Variants in SFXN5 observed in about 807,000 individuals in gnomAD.
SFXN5 encodes the protein sideroflexin-5.
A neutral mutation model predicts 50.2 loss-of-function variants in SFXN5; 43 were observed. The observed-to-expected ratio is 0.86, with a 90% CI of 0.67 to 1.11. The LOEUF is 1.11. Ranked by LOEUF, SFXN5 falls within the 50% of genes least tolerant of loss-of-function variation. SFXN5 has a pLI of 0.00. For missense variants in SFXN5, 463 were observed against 454.1 expected, an observed-to-expected ratio of 1.02 and a Z score of -0.18; for synonymous variants, 203 against 185.8, an observed-to-expected ratio of 1.09 and a Z score of -0.75.
chr2:73,016,467 G>A (rs1431585506), intron 6 of SFXN5, among the ~76,000 whole-genome samples: 1 of 152,210 alleles, frequency 6.6e-6, no homozygotes, highest in African/African-American at 2.4e-5. Flanking sequence ...CACTTTGGGA[G>A]GCTGAGGCGA....
intron 5 of SFXN5, chr2:73,020,838 C>CTG (rs1178020264): frequency 2.0e-5 from 3 of 152,466 alleles, no homozygotes; most frequent in African/African-American, 7.2e-5. Flanking sequence ...CGCAGCCAGG[C>CTG]TGTGAGTACA....
At chr2:72,967,626 C>T (rs1044612718) in intron 12 of SFXN5, among the ~76,000 whole-genome samples, 3 of 152,302 alleles carry the variant, frequency 2.0e-5, no homozygotes, top group Non-Finnish European at 4.4e-5. Flanking sequence ...GTAACCCCAT[C>T]CCTGTCCTTA....
intron 6 of SFXN5, 72 bp from the exon 7 acceptor site, chr2:73,001,650 G>A (rs377739551): frequency 9.2e-5 from 132 of 1,440,508 alleles, no homozygotes; most frequent in African/African-American, 5.3e-4. Flanking sequence ...GAAAAAATAC[G>A]CTACCACAAA....
chr2:72,986,806 A>G (rs918185380), intron 10 of SFXN5, among the ~76,000 whole-genome samples: 6 of 152,216 alleles, frequency 3.9e-5, no homozygotes, highest in African/African-American at 1.4e-4. Flanking sequence ...TGGTGAGCTC[A>G]TAGACTCCAA....
intron 10 of SFXN5, among the ~76,000 whole-genome samples, chr2:72,982,127 G>A (rs1574025849): frequency 6.6e-6 from 1 of 152,152 alleles, no homozygotes; most frequent in African/African-American, 2.4e-5. Flanking sequence ...TTTAGTAGGT[G>A]CTCATGCTAC....
At chr2:73,060,922 C>T (rs1478204416) in intron 1 of SFXN5, among the ~76,000 whole-genome samples, 5 of 151,804 alleles carry the variant, frequency 3.3e-5, no homozygotes, top group Non-Finnish European at 7.4e-5. Context: ...AGGATGGTCT[C>T]GATCTCCTGA....
chr2:72,958,988 T>A (rs1043827538), intron 13 of SFXN5, among the ~76,000 whole-genome samples: 1 of 151,936 alleles, frequency 6.6e-6, no homozygotes, highest in African/African-American at 2.4e-5. Context: ...CTAAGGCGGG[T>A]CACCCCCTCC....
At chr2:73,047,923 A>G (rs985186475) in intron 2 of SFXN5, among the ~76,000 whole-genome samples, 1 of 152,342 alleles carries the variant, frequency 6.6e-6, no homozygotes, top group East Asian at 1.9e-4. Context: ...TTGCAATATT[A>G]TTTATGAAAA....
At chr2:72,996,028 C>A (rs1020769589) in intron 9 of SFXN5, among the ~76,000 whole-genome samples, 4 of 152,152 alleles carry the variant, frequency 2.6e-5, no homozygotes, top group Non-Finnish European at 2.9e-5. Context: ...GGGCAGTGCC[C>A]TGTGCTCCTC....
At position 73,040,951 on chromosome 2, in the gene SFXN5, G is replaced by C; in HGVS notation, c.172-20C>G. 6.2e-7 allele frequency: 1 copy of C among 1,607,502 alleles called. No homozygotes were observed. On this transcript the variant is annotated intron_variant, in intron 2 of 13. Coordinates refer to ENST00000272433, the MANE Select transcript of SFXN5 (RefSeq NM_144579.3). ...ACGTCTCTGCAGAAGAAAGAAAAGAGACATTGAGGGGCACAGATCCAGGGC... is the reference window on the plus strand; with the variant it reads ...ACGTCTCTGCAGAAGAAAGAAAAGACACATTGAGGGGCACAGATCCAGGGC...
At chr2:72,957,135 C>A in intron 13 of SFXN5, 1 of 454,322 alleles carries the variant, frequency 2.2e-6, no homozygotes, top group Middle Eastern at 3.3e-4. Flanking sequence ...TTCTCAGCTT[C>A]AACTCCCCCC....
chr2:73,063,837 T>C (rs1487994258), intron 1 of SFXN5, among the ~76,000 whole-genome samples: 1 of 152,200 alleles, frequency 6.6e-6, no homozygotes, highest in African/African-American at 2.4e-5. Context: ...GTCTGATGAA[T>C]GGCAAGGAAG....
intron 3 of SFXN5, among the ~76,000 whole-genome samples, chr2:73,039,320 G>A (rs544935956): frequency 3.9e-5 from 6 of 152,296 alleles, no homozygotes; most frequent in East Asian, 1.9e-4. Flanking sequence ...GAAAGGCCGC[G>A]GGAGGGTACA....
chr2:72,979,101 C>T (rs894241614), intron 10 of SFXN5, among the ~76,000 whole-genome samples: 2 of 152,158 alleles, frequency 1.3e-5, no homozygotes, highest in African/African-American at 4.8e-5. Flanking sequence ...AGGATATGTA[C>T]AGTATGGTAC....
chr2:73,005,449 T>C, intron 6 of SFXN5, among the ~76,000 whole-genome samples: 1 of 152,190 alleles, frequency 6.6e-6, no homozygotes, highest in Non-Finnish European at 1.5e-5. Flanking sequence ...ACTGGAGCTC[T>C]TTGTGCCTCT....
At chr2:73,063,294 A>C (rs145786076) in intron 1 of SFXN5, among the ~76,000 whole-genome samples, 5 of 152,298 alleles carry the variant, frequency 3.3e-5, no homozygotes, top group Non-Finnish European at 7.4e-5. Context: ...CCCACTATAG[A>C]GACAAACCTA....
chr2:72,995,260 T>C (rs1223879917), intron 9 of SFXN5, among the ~76,000 whole-genome samples: 2 of 152,212 alleles, frequency 1.3e-5, no homozygotes, highest in Admixed American at 1.3e-4. Flanking sequence ...ACAGTGAGGA[T>C]TGAGAGAGGC....
intron 13 of SFXN5, among the ~76,000 whole-genome samples, chr2:72,954,111 G>C (rs1024090730): frequency 1.3e-5 from 2 of 152,184 alleles, no homozygotes; most frequent in East Asian, 3.9e-4. Flanking sequence ...TCTGAGGCCA[G>C]GACGAGACAA....
intron 9 of SFXN5, chr2:72,996,430 G>A (rs1673239842): frequency 6.6e-6 from 1 of 152,238 alleles, no homozygotes; most frequent in Admixed American, 6.6e-5. Flanking sequence ...GGGACGGAGC[G>A]GCTGATGGTC....
Sources: gnomAD v4.1 joint callset for allele counts (sites outside exome capture counted in the v4.1 genomes callset) on GRCh38, gnomAD v4.1.1 for gene constraint, MANE v1.5 for transcripts, NCBI Gene and HGNC (gene_info 2026-07-23, HGNC 2026-07-21) for gene names.